ABTB2: variants seen among roughly 807,000 people sequenced by gnomAD.
ABTB2 encodes ankyrin repeat and BTB/POZ domain-containing protein 2.
In ABTB2, 56 loss-of-function variants were observed where a neutral mutation model predicts 104.1. The ratio of observed to expected loss-of-function variants is 0.54; its 90% CI spans 0.43 to 0.67. The LOEUF (loss-of-function observed/expected upper bound fraction) is 0.67, where lower values mean the gene tolerates loss of function less well. Among genes scored for constraint, ABTB2 ranks in the 30% least tolerant of loss-of-function variants. The pLI is 0.00. For synonymous variants in ABTB2, 606 were observed against 608.2 expected (o/e 1.00, Z 0.05); for missense variants, 1,279 against 1,407.7 (o/e 0.91, Z 1.46).
intron 1 of ABTB2, among the ~76,000 whole-genome samples, chr11:34,245,136 T>C (rs7105914): frequency 0.49 from 75,216 of 152,120 alleles, 18,922 homozygotes; most frequent in Middle Eastern, 0.59. Context: ...TAATGGCTGA[T>C]AACAGCCTCT....
intron 1 of ABTB2, among the ~76,000 whole-genome samples, chr11:34,248,444 C>CAAAA (rs1032302660): frequency 4.0e-5 from 6 of 151,582 alleles, no homozygotes; most frequent in Non-Finnish European, 5.9e-5. Flanking sequence ...AACAAACAAA[C>CAAAA]AAAAAAAACC....
intron 1 of ABTB2, among the ~76,000 whole-genome samples, chr11:34,245,029 A>G (rs1212316100): frequency 6.6e-6 from 1 of 152,198 alleles, no homozygotes; most frequent in Admixed American, 6.5e-5. Context: ...AAAAAAAGAA[A>G]AAGATTGTTT....
intron 1 of ABTB2, among the ~76,000 whole-genome samples, chr11:34,295,395 G>A (rs1465590738): frequency 6.6e-6 from 1 of 152,162 alleles, no homozygotes; most frequent in Non-Finnish European, 1.5e-5. Flanking sequence ...ACAGATGCAG[G>A]AAGAGTGCTC....
At chr11:34,296,751 TATTTC>T (rs1854627292) in intron 1 of ABTB2, among the ~76,000 whole-genome samples, 1 of 152,196 alleles carries the variant, frequency 6.6e-6, no homozygotes, top group African/African-American at 2.4e-5. Context: ...TCAAAAAAAC[TATTTC>T]TTTTAAAGGA....
At chr11:34,346,777 C>A (rs939128388) in intron 1 of ABTB2, among the ~76,000 whole-genome samples, 1 of 152,162 alleles carries the variant, frequency 6.6e-6, no homozygotes, top group African/African-American at 2.4e-5. Context: ...ACGGGGCAAG[C>A]TCCACCCCAG....
intron 1 of ABTB2, among the ~76,000 whole-genome samples, chr11:34,274,185 A>G (rs1246690185): frequency 2.7e-5 from 4 of 145,832 alleles, no homozygotes; most frequent in African/African-American, 1.0e-4. Context: ...AAAAAAAAAA[A>G]AAAGATATTT....
chr11:34,181,594 G>GAC (rs1853027782), intron 3 of ABTB2, among the ~76,000 whole-genome samples: 1 of 152,216 alleles, frequency 6.6e-6, no homozygotes, highest in African/African-American at 2.4e-5. Flanking sequence ...GCAGACCCTG[G>GAC]ACACACCCAC....
At chr11:34,342,953 ATTTATTTATTCG>A (rs1396495872) in intron 1 of ABTB2, among the ~76,000 whole-genome samples, 13 of 114,236 alleles carry the variant, frequency 1.1e-4, no homozygotes, top group African/African-American at 3.8e-4. Flanking sequence ...TTATTTATTT[ATTTATTTATTCG>A]TTCATTCATT....
chr11:34,225,638 C>T (rs1853676046), intron 1 of ABTB2, among the ~76,000 whole-genome samples: 1 of 151,878 alleles, frequency 6.6e-6, no homozygotes, highest in Non-Finnish European at 1.5e-5. Context: ...GCCTGTGATT[C>T]CAGCTACTCG....
intron 3 of ABTB2, among the ~76,000 whole-genome samples, chr11:34,191,537 C>T (rs940656606): frequency 2.6e-5 from 4 of 152,178 alleles, no homozygotes; most frequent in East Asian, 3.8e-4. Flanking sequence ...ACCCTGGTCT[C>T]GTCTCTCCTG....
chr11:34,346,090 C>T (rs527909547), intron 1 of ABTB2, among the ~76,000 whole-genome samples: 1 of 152,314 alleles, frequency 6.6e-6, no homozygotes, highest in South Asian at 2.1e-4. Flanking sequence ...CGGCCTTCAG[C>T]ATTCCTGGCA....
At chr11:34,156,520 T>C (rs1307345547) in intron 14 of ABTB2, among the ~76,000 whole-genome samples, 1 of 150,800 alleles carries the variant, frequency 6.6e-6, no homozygotes, top group Non-Finnish European at 1.5e-5. Context: ...ATATGCTCAG[T>C]AACTTTTTTT....
intron 1 of ABTB2, among the ~76,000 whole-genome samples, chr11:34,328,967 C>G (rs1590258376): frequency 6.6e-6 from 1 of 152,324 alleles, no homozygotes; most frequent in African/African-American, 2.4e-5. Flanking sequence ...TCAAGTATGT[C>G]AAGGTAGCAC....
intron 3 of ABTB2, among the ~76,000 whole-genome samples, chr11:34,182,509 G>GGGGGGGGGGGGGA (rs1853043283): frequency 7.3e-6 from 1 of 137,056 alleles, no homozygotes; most frequent in African/African-American, 2.8e-5. Flanking sequence ...GGGGGGGGGG[G>GGGGGGGGGGGGGA]AAATTCACTT....
chr11:34,226,362 A>G (rs74388693), intron 1 of ABTB2, among the ~76,000 whole-genome samples: 2,608 of 152,198 alleles, frequency 0.017, 76 homozygotes, highest in African/African-American at 0.06. Flanking sequence ...GAGCTCTCCT[A>G]TGGGAATAGA....
At chr11:34,250,382 G>A (rs1436529043) in intron 1 of ABTB2, among the ~76,000 whole-genome samples, 3 of 152,208 alleles carry the variant, frequency 2.0e-5, no homozygotes, top group African/African-American at 7.2e-5. Context: ...TGTCTGGCAT[G>A]TAGTGCATAT....
At chr11:34,319,272 G>A (rs997934003) in intron 1 of ABTB2, among the ~76,000 whole-genome samples, 2 of 152,196 alleles carry the variant, frequency 1.3e-5, no homozygotes, top group African/African-American at 4.8e-5. Context: ...ACAGCCAGGT[G>A]AAGAAGGTCA....
chr11:34,222,540 G>C (rs1052186514), intron 1 of ABTB2, among the ~76,000 whole-genome samples: 2 of 152,140 alleles, frequency 1.3e-5, no homozygotes, highest in African/African-American at 2.4e-5. Context: ...TGTAGAAAGA[G>C]GTTACCTTAA....
chr11:34,171,139 C>T (rs1490611455), intron 4 of ABTB2, 68 bp from the exon 5 acceptor site: 18 of 1,537,364 alleles, frequency 1.2e-5, no homozygotes, highest in Non-Finnish European at 1.6e-5. Flanking sequence ...ATGTGACACA[C>T]ATGTGTGAGC....
Sources: allele counts gnomAD v4.1 joint callset (sites outside exome capture counted in the v4.1 genomes callset), GRCh38; gene constraint gnomAD v4.1.1; transcripts MANE v1.5; gene names NCBI Gene and HGNC (gene_info 2026-07-23, HGNC 2026-07-21).